Variants in ADAMTS13 observed in about 807,000 individuals in gnomAD.
ADAMTS13 encodes the protein A disintegrin and metalloproteinase with thrombospondin motifs 13.
In ADAMTS13, 110 loss-of-function variants were observed where a neutral mutation model predicts 155.1. The observed-to-expected ratio is 0.71, with a 90% CI of 0.61 to 0.83. ADAMTS13 has a LOEUF of 0.83. Ranked by LOEUF, ADAMTS13 falls within the 40% of genes least tolerant of loss-of-function variation. The pLI, the probability that ADAMTS13 is intolerant of heterozygous loss-of-function variation, is 0.00. For missense variants in ADAMTS13, 1,707 were observed against 1,891.7 expected (o/e 0.90, Z 1.81); for synonymous variants, 758 against 756.4 (o/e 1.00, Z -0.03).
intron 1 of ADAMTS13, chr9:133,414,736 A>G: frequency 6.2e-7 from 1 of 1,614,124 alleles, no homozygotes; most frequent in South Asian, 1.1e-5. Flanking sequence ...GTTCTGGAAC[A>G]ATATCACCAT....
intron 21 of ADAMTS13, among the ~76,000 whole-genome samples, chr9:133,447,294 C>CTTTTCTTT: frequency 6.6e-6 from 1 of 151,594 alleles, no homozygotes; most frequent in African/African-American, 2.4e-5. Flanking sequence ...TTCTTTTTCT[C>CTTTTCTTT]TCTTTTCTTT....
intron 1 of ADAMTS13, among the ~76,000 whole-genome samples, chr9:133,422,890 C>G (rs1053427250): frequency 1.3e-5 from 2 of 151,570 alleles, no homozygotes; most frequent in African/African-American, 4.9e-5. Context: ...TCCTGTCTCC[C>G]TCTTCATCCA....
chr9:133,425,458 G>C lies in ADAMTS13; in HGVS notation c.331-71G>C. The C allele has an allele frequency of 6.9e-7, 1 of 1,439,874 alleles. No individual in the cohort carries two copies. The highest frequency in any genetic ancestry group is 9.6e-7 in the Non-Finnish European group (1 of 1,045,462). 89.2% of individuals were successfully genotyped at this position (1,439,874 alleles called of 1,614,324 possible). A position where few individuals can be genotyped will look rare whatever the true frequency, so the allele number is the denominator to read the frequency against. On this transcript the variant is annotated intron_variant, in intron 3 of 28. Transcript: ENST00000355699. This position sits in a 1 kb window ranked among gnomAD's most constrained non-coding sequence, Gnocchi z 4.6. The stretch of plus-strand genomic sequence containing the variant: ...AGCTCTTCACACTCCGGGGGCCCCT[G>C]GGAGTCAGCAGCTGCCTGGGGCTGG...
chr9:133,439,297 T>C, intron 14 of ADAMTS13, 69 bp from the exon 15 acceptor site: 1 of 1,241,692 alleles, frequency 8.1e-7, no homozygotes, highest in Non-Finnish European at 1.2e-6. Flanking sequence ...CCAGCTAAGA[T>C]CAGCTCCCTT....
chr9:133,442,686 G>A lies in ADAMTS13; in HGVS notation c.2177G>A (p.Gly726Glu), dbSNP rs372471786. The A allele has an allele frequency of 9.9e-6, 16 of 1,612,964 alleles. No homozygotes were observed. Among genetic ancestry groups the A allele is most frequent in the Non-Finnish European group, 1.4e-5 (16 of 1,180,012 alleles). The change falls in exon 18 of 29, where the codon GGG becomes GAG. Residue 726 changes from glycine to glutamate, a missense_variant. By Grantham distance (98) the Gly-to-Glu change is moderately conservative. Transcript: ENST00000355699. ...TTGGTGGAGACTGTCCAGTGCCAAGGGAGCCAGCAGCCACCAGCGTGGCCA... is the reference window on the plus strand; with the variant it reads ...TTGGTGGAGACTGTCCAGTGCCAAGAGAGCCAGCAGCCACCAGCGTGGCCA... Reference protein sequence around the residue: ...KELVETVQCQGSQQPPAWPEA... With the variant: ...KELVETVQCQESQQPPAWPEA...
At chr9:133,442,361 G>T in intron 16 of ADAMTS13, 38 bp from the exon 17 acceptor site, 1 of 1,613,696 alleles carries the variant, frequency 6.2e-7, no homozygotes. Context: ...GACCCTCAGG[G>T]AACCCACTGG....
At chr9:133,437,968 T>C in intron 13 of ADAMTS13, 71 bp downstream of exon 13, 1 of 1,606,470 alleles carries the variant, frequency 6.2e-7, no homozygotes, top group Non-Finnish European at 8.5e-7. Context: ...TGGGGGCAGG[T>C]TGGTGGGTGC....
At chr9:133,434,074 C>T (rs587767251) in intron 11 of ADAMTS13, among the ~76,000 whole-genome samples, 78 of 150,914 alleles carry the variant, frequency 5.2e-4, no homozygotes, top group Middle Eastern at 3.4e-3. Context: ...CCAGCCTGGG[C>T]GACAGAGTGA....
chr9:133,458,727 T>C (rs1842908246), intron 28 of ADAMTS13, among the ~76,000 whole-genome samples: 1 of 152,180 alleles, frequency 6.6e-6, no homozygotes, highest in African/African-American at 2.4e-5. Context: ...AACTGTGTTC[T>C]GCAGGGTATC....
chr9:133,458,101 C>A lies in ADAMTS13; in HGVS notation c.3909+7C>A. 1 of 1,612,662 alleles carries A rather than the reference C, an allele frequency of 6.2e-7. No homozygotes were observed. The highest frequency in any genetic ancestry group is 8.5e-7 in the Non-Finnish European group (1 of 1,179,764). On this transcript the variant is annotated splice_region_variant and intron_variant, in intron 28 of 28. Coordinates refer to ENST00000355699, the MANE Select transcript of ADAMTS13 (RefSeq NM_139027.6). ...CAATGCCAGCTACATCTTGGTGAGG[C>A]CCAGCATGGGGACTTGTGCTGTGAT...
At chr9:133,416,663 C>CA (rs1373166438) in intron 1 of ADAMTS13, among the ~76,000 whole-genome samples, 2 of 152,220 alleles carry the variant, frequency 1.3e-5, no homozygotes, top group Admixed American at 1.3e-4. Flanking sequence ...TACAGAAGTG[C>CA]AGGTCACTAG....
Position 133,445,648 on chromosome 9 carries a change from T to C in ADAMTS13, c.2611-51T>C, listed in dbSNP as rs1842007726. On this transcript the variant is annotated intron_variant, in intron 20 of 28. Transcript: ENST00000355699. The surrounding 1 kb of genome is among the most constrained non-coding windows in gnomAD (Gnocchi z 5.0). ...CTGAGAAGATCGAGACGGGGATCGC[T>C]GGGTCCTCAGAGGAGGCCCAGACCC... 1 of 1,611,832 alleles carries C rather than the reference T, an allele frequency of 6.2e-7. No individual in the cohort carries two copies. The highest frequency in any genetic ancestry group is 1.3e-5 in the African/African-American group (1 of 74,906).
rs1008759561 is a variant in ADAMTS13 at position 133,459,286 on chromosome 9, A to G, written c.*106A>G. The G allele has an allele frequency of 2.6e-6, 3 of 1,172,254 alleles. No homozygotes were observed. The highest frequency in any genetic ancestry group is 2.5e-6 in the Non-Finnish European group (2 of 808,450). The allele number at this position is 1,172,254 out of a possible 1,614,324, so 72.6% of individuals were successfully genotyped here. On this transcript the variant is annotated 3_prime_UTR_variant, in exon 29 of 29. Coordinates refer to ENST00000355699, the MANE Select transcript of ADAMTS13 (RefSeq NM_139027.6). ...TTCCAATCTTAGGTATCTACTTTAG[A>G]GTCTTCTCCAATGTCCAAAAGGCTA...
At position 133,437,758 on chromosome 9, in the gene ADAMTS13, T is replaced by C. The variant is rs782405037; in HGVS notation, c.1445T>C (p.Leu482Pro). 2 of 1,613,892 alleles carry C rather than the reference T, an allele frequency of 1.2e-6. No individual in the cohort carries two copies. Among genetic ancestry groups the C allele is most frequent in the South Asian group, 2.2e-5 (2 of 91,088 alleles). ...CACTCTGCCCTCCCAGGGGATGCTC[T>C]GTGCAGACACATGTGCCGGGCCATT... is the stretch of plus-strand genomic sequence containing the variant. ...AAVPHSQGDALCRHMCRAIGE... is the reference protein window; with the variant it reads ...AAVPHSQGDAPCRHMCRAIGE... Residue 482 changes from leucine to proline, a missense_variant, in exon 13 of 29, where the codon CTG becomes CCG. By Grantham distance (98) the Leu-to-Pro change is moderately conservative. Transcript: ENST00000355699.
rs1842836472 is a variant in ADAMTS13 at position 133,457,936 on chromosome 9, T to C, written c.3751T>C (p.Trp1251Arg). 4.3e-6 allele frequency: 7 copies of C among 1,613,798 alleles called. No homozygotes were observed. Among genetic ancestry groups the C allele is most frequent in the Non-Finnish European group, 5.9e-6 (7 of 1,180,036 alleles). ...RECDMQLFGP[W>R]GEIVSPSLSP... is the part of the protein sequence containing the mutation. ...ATGTGACATGCAGCTCTTTGGGCCC[T>C]GGGGTGAAATCGTGAGCCCCTCGCT... Residue 1251 changes from tryptophan to arginine, a missense_variant, in exon 28 of 29, where the codon TGG (tryptophan) becomes CGG (arginine). Coordinates refer to ENST00000355699, the MANE Select transcript of ADAMTS13 (RefSeq NM_139027.6).
intron 11 of ADAMTS13, among the ~76,000 whole-genome samples, chr9:133,434,316 T>G (rs1841017269): frequency 6.6e-6 from 1 of 152,114 alleles, no homozygotes; most frequent in Non-Finnish European, 1.5e-5. Context: ...ATATTATTTT[T>G]ATTTTTTTAG....
At chr9:133,429,701 C>G in intron 7 of ADAMTS13, 1 of 696,136 alleles carries the variant, frequency 1.4e-6, no homozygotes, top group Non-Finnish European at 2.6e-6. Context: ...CCCACTCAGA[C>G]CCGTCCCTCC....
At position 133,456,553 on chromosome 9, in the gene ADAMTS13, G is replaced by A; in HGVS notation, c.3558G>A (p.Leu1186=). ...CCTGCCGCTTCCTAGGGGACATGTT[G>A]CTGCTTTGGGGCCGGCTCACCTGGA... The part of the protein sequence containing the change: ...SSLNCSAGDM[L]LLWGRLTWRK... Residue 1186 remains leucine (L), a synonymous_variant, in exon 27 of 29, where the codon TTG becomes TTA. Transcript: ENST00000355699. This position sits in a 1 kb window ranked among gnomAD's most constrained non-coding sequence, Gnocchi z 4.4. 6.2e-7 allele frequency: 1 copy of A among 1,613,462 alleles called. No individual in the cohort carries two copies. Among genetic ancestry groups the A allele is most frequent in the Non-Finnish European group, 8.5e-7 (1 of 1,179,944 alleles).
rs1001871594 is a variant in ADAMTS13, at chr9:133,453,829, T to A, written c.3045-586T>A. On this transcript the variant is annotated intron_variant, in intron 23 of 28. Coordinates refer to ENST00000355699, the MANE Select transcript of ADAMTS13 (RefSeq NM_139027.6). ...TTTGGTTCACTGCCACCTCCCAGTG[T>A]CATGTAGAACAGTGCCAAGCCGCGG... Among the ~76,000 whole-genome samples, 14 of 152,178 alleles carry A rather than the reference T, an allele frequency of 9.2e-5. No homozygotes were observed. In the East Asian group the frequency reaches 2.1e-3, roughly 23 times the overall value.
Sources: allele counts gnomAD v4.1 joint callset (sites outside exome capture counted in the v4.1 genomes callset), GRCh38; gene constraint gnomAD v4.1.1; non-coding constraint Gnocchi (gnomAD v3.1); transcripts MANE v1.5; gene names NCBI Gene and HGNC (gene_info 2026-07-23, HGNC 2026-07-21).